Variants in MKLN1 observed in about 807,000 individuals in gnomAD.
MKLN1 encodes muskelin 1.
A neutral mutation model predicts 99.0 loss-of-function variants in MKLN1; 18 were observed. That is an observed-to-expected ratio of 0.18 (90% CI 0.13 to 0.27). The LOEUF (loss-of-function observed/expected upper bound fraction) is 0.27. Ranked by LOEUF, MKLN1 falls within the 10% of genes least tolerant of loss-of-function variation. The pLI, the probability that MKLN1 is intolerant of heterozygous loss-of-function variation, is 1.00. For synonymous variants in MKLN1, 288 were observed against 293.2 expected, an observed-to-expected ratio of 0.98 and a Z score of 0.18; for missense variants, 621 against 875.9, an observed-to-expected ratio of 0.71 and a Z score of 3.67.
At chr7:131,402,655 C>T (rs911496747) in intron 6 of MKLN1, among the ~76,000 whole-genome samples, 8 of 152,166 alleles carry the variant, frequency 5.3e-5, no homozygotes, top group South Asian at 2.1e-4. Flanking sequence ...CTCCTTGATT[C>T]ATAGGCTACA....
At chr7:131,272,026 CG>C (rs11323341) in intron 3 of MKLN1, among the ~76,000 whole-genome samples, 7,449 of 152,190 alleles carry the variant, frequency 0.049, 214 homozygotes, top group South Asian at 0.083. Context: ...GACCAGTTCT[CG>C]TTAGTGGAAT....
intron 1 of MKLN1, among the ~76,000 whole-genome samples, chr7:131,335,375 C>T (rs997538062): frequency 4.6e-5 from 7 of 151,874 alleles, no homozygotes; most frequent in South Asian, 2.1e-4. Context: ...AAGATTAATC[C>T]ATGTTTAAAA....
chr7:131,338,713 C>T (rs193017659), intron 1 of MKLN1, among the ~76,000 whole-genome samples: 1 of 152,240 alleles, frequency 6.6e-6, no homozygotes, highest in Non-Finnish European at 1.5e-5. Flanking sequence ...ACGACTTGAT[C>T]CCCAGAGTTC....
intron 3 of MKLN1, among the ~76,000 whole-genome samples, chr7:131,231,412 T>C (rs539529122): frequency 1.3e-5 from 2 of 152,224 alleles, no homozygotes; most frequent in African/African-American, 4.8e-5. Context: ...CTTGAACCTG[T>C]ACAGCTGTCT....
At chr7:131,408,109 A>T (rs1794763036) in intron 6 of MKLN1, among the ~76,000 whole-genome samples, 2 of 152,138 alleles carry the variant, frequency 1.3e-5, no homozygotes, top group South Asian at 4.1e-4. Flanking sequence ...TATGAGAATG[A>T]TTAATTTGCT....
At chr7:131,206,228 C>T (rs1005397411) in intron 3 of MKLN1, among the ~76,000 whole-genome samples, 3 of 152,152 alleles carry the variant, frequency 2.0e-5, no homozygotes, top group Non-Finnish European at 4.4e-5. Context: ...TTGGGCCAAG[C>T]CCTCTGGGAT....
At chr7:131,326,249 G>A (rs1053481542), upstream of MKLN1, among the ~76,000 whole-genome samples, 2 of 152,108 alleles carry the variant, frequency 1.3e-5, no homozygotes, top group Non-Finnish European at 2.9e-5. Flanking sequence ...GGCAGCTCCC[G>A]ACCCAAGTCA....
intron 8 of MKLN1, among the ~76,000 whole-genome samples, chr7:131,422,494 C>T (rs557607700): frequency 6.6e-6 from 1 of 152,264 alleles, no homozygotes; most frequent in East Asian, 1.9e-4. Flanking sequence ...TTCGAGGCTG[C>T]AGTGAGCTAT....
intron 3 of MKLN1, among the ~76,000 whole-genome samples, chr7:131,245,463 TCAC>T (rs1345536720): frequency 6.6e-6 from 1 of 152,160 alleles, no homozygotes; most frequent in African/African-American, 2.4e-5. Flanking sequence ...AGATGGGGTT[TCAC>T]CACATTAGCC....
At chr7:131,164,809 T>C (rs2116321085) in intron 2 of MKLN1, among the ~76,000 whole-genome samples, 1 of 152,326 alleles carries the variant, frequency 6.6e-6, no homozygotes, top group Non-Finnish European at 1.5e-5. Flanking sequence ...TCAGATGACC[T>C]GAATTCTAGT....
chr7:131,386,414 G>A (rs917731039), intron 2 of MKLN1, among the ~76,000 whole-genome samples: 3 of 152,088 alleles, frequency 2.0e-5, no homozygotes, highest in African/African-American at 7.2e-5. Context: ...ATTCTTAACC[G>A]TCTTTATCAC....
chr7:131,413,071 T>G (rs1178225770), intron 7 of MKLN1, among the ~76,000 whole-genome samples: 1 of 152,226 alleles, frequency 6.6e-6, no homozygotes, highest in Non-Finnish European at 1.5e-5. Flanking sequence ...TTCATTTTAG[T>G]GCTTTCTTTT....
chr7:131,452,687 A>G (rs1013540104), intron 12 of MKLN1, among the ~76,000 whole-genome samples: 2 of 150,948 alleles, frequency 1.3e-5, no homozygotes, highest in Admixed American at 6.6e-5. Context: ...AATAGCTGGG[A>G]TTACAGGCAT....
At chr7:131,338,644 TAG>T (rs1799318248) in intron 1 of MKLN1, among the ~76,000 whole-genome samples, 1 of 152,262 alleles carries the variant, frequency 6.6e-6, no homozygotes, top group Admixed American at 6.5e-5. Context: ...TCTTTTGGAA[TAG>T]AGTGTTATAT....
chr7:131,189,782 T>C (rs1796507768), intron 2 of MKLN1, among the ~76,000 whole-genome samples: 1 of 152,170 alleles, frequency 6.6e-6, no homozygotes, highest in South Asian at 2.1e-4. Flanking sequence ...CAGGACCACC[T>C]GTGAATGGAA....
At chr7:131,379,048 CT>C (rs1200150864) in intron 2 of MKLN1, among the ~76,000 whole-genome samples, 29 of 152,172 alleles carry the variant, frequency 1.9e-4, no homozygotes, top group African/African-American at 7.0e-4. Context: ...GAGGTTATAG[CT>C]TATGTATTGG....
intron 1 of MKLN1, among the ~76,000 whole-genome samples, chr7:131,371,960 A>C (rs1472854642): frequency 6.6e-6 from 1 of 151,902 alleles, no homozygotes; most frequent in African/African-American, 2.4e-5. Flanking sequence ...TTTCTGTCTC[A>C]AATAATTTAG....
At chr7:131,322,175 GT>G (rs1453431403) in intron 3 of MKLN1, among the ~76,000 whole-genome samples, 7 of 152,132 alleles carry the variant, frequency 4.6e-5, no homozygotes, top group Admixed American at 1.3e-4. Context: ...TTGTGTGTTT[GT>G]TTTTTGGTAA....
chr7:131,275,568 T>TATATATATATA (rs1491144880), intron 3 of MKLN1, among the ~76,000 whole-genome samples: 4 of 14,828 alleles, frequency 2.7e-4, no homozygotes, highest in African/African-American at 1.6e-3. Flanking sequence ...TATATATATA[T>TATATATATATA]TTTTTTTTTT....
Sources: allele counts gnomAD v4.1 joint callset (sites outside exome capture counted in the v4.1 genomes callset), GRCh38; gene constraint gnomAD v4.1.1; transcripts MANE v1.5; gene names NCBI Gene and HGNC (gene_info 2026-07-23, HGNC 2026-07-21).